Variants in MCTP1 observed in about 807,000 individuals in gnomAD.
MCTP1 encodes multiple C2 and transmembrane domain containing 1, also known as multiple C2 and transmembrane domain-containing protein 1.
Under a neutral mutation model 120.6 loss-of-function variants are expected in MCTP1, and 69 were observed. The ratio of observed to expected loss-of-function variants is 0.57; its 90% confidence interval spans 0.47 to 0.70. The LOEUF (loss-of-function observed/expected upper bound fraction) is 0.70, where lower values mean the gene tolerates loss of function less well. Among genes scored for constraint, MCTP1 ranks in the 30% least tolerant of loss-of-function variants. The pLI is 0.00. For synonymous variants in MCTP1, 529 were observed against 493.1 expected, an observed-to-expected ratio of 1.07 and a Z score of -0.96; for missense variants, 1,203 against 1,248.8, an observed-to-expected ratio of 0.96 and a Z score of 0.55.
rs754950985 is a variant in MCTP1 at position 94,870,507 on chromosome 5, T to G, written c.2242-16A>C. On this transcript the variant is annotated splice_polypyrimidine_tract_variant and intron_variant, in intron 15 of 22. Transcript: ENST00000515393. The stretch of plus-strand genomic sequence containing the variant: ...TGGCTTTCACCTATACATCAACATA[T>G]GTGTCTGTTATGGATTAATATATTA... 2.6e-6 allele frequency: 4 copies of G among 1,521,406 alleles called. No homozygotes were observed. The South Asian group carries it at 4.5e-5, about 17-fold the overall frequency. 94.2% of individuals were successfully genotyped at this position (1,521,406 alleles called of 1,614,324 possible). A position where few individuals can be genotyped will look rare whatever the true frequency, so the allele number is the denominator to read the frequency against.
At chr5:94,721,857 T>A (rs1166548864) in intron 19 of MCTP1, among the ~76,000 whole-genome samples, 3 of 143,098 alleles carry the variant, frequency 2.1e-5, no homozygotes, top group Non-Finnish European at 3.1e-5. Flanking sequence ...TTTTTTTTTT[T>A]AATGCATTAT....
chr5:94,858,427 A>G (rs1300198292), intron 17 of MCTP1, among the ~76,000 whole-genome samples: 1 of 151,652 alleles, frequency 6.6e-6, no homozygotes, highest in Non-Finnish European at 1.5e-5. Flanking sequence ...AACACTAAGC[A>G]GGGTGCATAC....
intron 19 of MCTP1, among the ~76,000 whole-genome samples, chr5:94,733,171 T>G (rs1409017931): frequency 6.6e-6 from 1 of 152,188 alleles, no homozygotes; most frequent in Non-Finnish European, 1.5e-5. Context: ...TCAAAAAAAT[T>G]TTAATGCAAC....
chr5:94,985,181 T>C (rs556832726), intron 2 of MCTP1, among the ~76,000 whole-genome samples: 44 of 152,302 alleles, frequency 2.9e-4, no homozygotes, highest in Middle Eastern at 6.8e-3. Flanking sequence ...GAACCTGTGA[T>C]AACAGGCACC....
At chr5:95,232,874 A>C (rs1755121402) in intron 1 of MCTP1, among the ~76,000 whole-genome samples, 1 of 152,230 alleles carries the variant, frequency 6.6e-6, no homozygotes, top group East Asian at 1.9e-4. Context: ...AATGAAAGTT[A>C]TTTCAAAATA....
chr5:95,114,601 G>A (rs1005366786), intron 1 of MCTP1, among the ~76,000 whole-genome samples: 1 of 152,202 alleles, frequency 6.6e-6, no homozygotes, highest in Non-Finnish European at 1.5e-5. Flanking sequence ...AGAAGGGACT[G>A]CGTGTTGTTG....
intron 1 of MCTP1, among the ~76,000 whole-genome samples, chr5:95,244,587 A>G (rs1040602888): frequency 2.6e-5 from 4 of 152,218 alleles, no homozygotes; most frequent in African/African-American, 9.6e-5. Flanking sequence ...CTAGCGCAAC[A>G]GTCTGCGATC....
At chr5:94,974,318 G>A (rs966909891) in intron 2 of MCTP1, among the ~76,000 whole-genome samples, 1 of 152,102 alleles carries the variant, frequency 6.6e-6, no homozygotes, top group Non-Finnish European at 1.5e-5. Flanking sequence ...AGGCCACGGT[G>A]GGAGAATTTC....
intron 1 of MCTP1, among the ~76,000 whole-genome samples, chr5:95,060,943 A>C (rs1380482226): frequency 6.9e-6 from 1 of 144,264 alleles, no homozygotes; most frequent in East Asian, 1.9e-4. Flanking sequence ...CACTCCACAA[A>C]AAAAAAAAAA....
intron 1 of MCTP1, among the ~76,000 whole-genome samples, chr5:95,229,892 G>C (rs1474516393): frequency 1.3e-5 from 2 of 152,002 alleles, no homozygotes; most frequent in East Asian, 3.9e-4. Context: ...TTCTCAAGAG[G>C]GGACTGGAAA....
intron 19 of MCTP1, among the ~76,000 whole-genome samples, chr5:94,728,995 G>C (rs769133903): frequency 1.8e-4 from 27 of 152,120 alleles, no homozygotes; most frequent in Admixed American, 6.6e-5. Context: ...ATAGCACCAA[G>C]CAAATACATG....
chr5:95,219,153 G>A (rs758412870), intron 1 of MCTP1, among the ~76,000 whole-genome samples: 1 of 152,048 alleles, frequency 6.6e-6, no homozygotes, highest in Non-Finnish European at 1.5e-5. Context: ...AGGCCAAGGC[G>A]GGTGGATCAT....
At chr5:94,811,172 C>A (rs541985124) in intron 17 of MCTP1, among the ~76,000 whole-genome samples, 3 of 152,260 alleles carry the variant, frequency 2.0e-5, no homozygotes, top group African/African-American at 7.2e-5. Flanking sequence ...ATTTTAACAG[C>A]CTTCTTTACT....
intron 22 of MCTP1, 108 bp from the exon 23 acceptor site, chr5:94,707,675 C>G (rs1306253694): frequency 5.1e-6 from 4 of 780,412 alleles, no homozygotes; most frequent in South Asian, 4.6e-5. Flanking sequence ...AGTGCTCACT[C>G]TAGAAGCTGT....
intron 3 of MCTP1, among the ~76,000 whole-genome samples, chr5:94,952,251 G>A (rs939507129): frequency 1.3e-5 from 2 of 148,156 alleles, no homozygotes; most frequent in Admixed American, 6.8e-5. Context: ...TTATGCAAGT[G>A]TGTGTCTATT....
chr5:94,790,669 C>T (rs983442843), intron 18 of MCTP1, among the ~76,000 whole-genome samples: 1 of 152,076 alleles, frequency 6.6e-6, no homozygotes, highest in Non-Finnish European at 1.5e-5. Flanking sequence ...TTATGACAGA[C>T]GTGGGAACTC....
At chr5:94,794,716 A>T (rs1306943158) in intron 18 of MCTP1, among the ~76,000 whole-genome samples, 2 of 152,236 alleles carry the variant, frequency 1.3e-5, no homozygotes, top group African/African-American at 4.8e-5. Flanking sequence ...AAAGGAGGTG[A>T]TGTCTCTAAA....
intron 1 of MCTP1, among the ~76,000 whole-genome samples, chr5:95,218,148 A>G (rs959161858): frequency 4.1e-4 from 62 of 152,364 alleles, no homozygotes; most frequent in African/African-American, 1.4e-3. Context: ...TAGTCCTCCA[A>G]ATGAGTTACA....
intron 2 of MCTP1, among the ~76,000 whole-genome samples, chr5:94,971,218 G>A (rs975196742): frequency 6.6e-6 from 1 of 151,842 alleles, no homozygotes; most frequent in African/African-American, 2.4e-5. Context: ...CTTTGACAGA[G>A]AATAAGCCAT....
Sources: allele counts gnomAD v4.1 joint callset (sites outside exome capture counted in the v4.1 genomes callset), GRCh38; gene constraint gnomAD v4.1.1; transcripts MANE v1.5; gene names NCBI Gene and HGNC (gene_info 2026-07-23, HGNC 2026-07-21).